The following ABI3BP variants were observed in gnomAD, a reference collection of about 807,000 sequenced individuals.
ABI3BP encodes the protein target of Nesh-SH3.
A neutral mutation model predicts 268.6 loss-of-function variants in ABI3BP; 216 were observed. The ratio of observed to expected loss-of-function variants is 0.80; its 90% CI spans 0.72 to 0.90. The LOEUF (loss-of-function observed/expected upper bound fraction) is 0.90. Ranked by LOEUF, ABI3BP falls within the 40% of genes least tolerant of loss-of-function variation. ABI3BP has a pLI of 0.00. For missense variants in ABI3BP, 2,090 were observed against 2,182.4 expected, an observed-to-expected ratio of 0.96 and a Z score of 0.84; for synonymous variants, 730 against 730.0, an observed-to-expected ratio of 1.00 and a Z score of 0.00.
At chr3:100,917,232 A>G (rs1184387222) in intron 2 of ABI3BP, among the ~76,000 whole-genome samples, 1 of 152,192 alleles carries the variant, frequency 6.6e-6, no homozygotes, top group Non-Finnish European at 1.5e-5. Context: ...TGCTGGTGAG[A>G]CATGACACAG....
rs1347938961 is a variant in ABI3BP, at chr3:100,750,120, A to G, written c.*375T>C. 4.5e-6 allele frequency: 1 copy of G among 222,798 alleles called. No homozygotes were observed. Among genetic ancestry groups the G allele is most frequent in the Non-Finnish European group, 8.6e-6 (1 of 116,052 alleles). The allele number at this position is 222,798 out of a possible 1,614,324, so 13.8% of individuals were successfully genotyped here. ...TAACTCATCAATAGGAAGAGTACAC[A>G]TCAATAAAAGTAAATTTTTTTTAAA... On this transcript the variant is annotated 3_prime_UTR_variant, in exon 68 of 68. Coordinates refer to ENST00000471714, the MANE Select transcript of ABI3BP (RefSeq NM_001375547.2).
chr3:100,951,321 T>G (rs1272900896), intron 1 of ABI3BP, among the ~76,000 whole-genome samples: 1 of 151,932 alleles, frequency 6.6e-6, no homozygotes, highest in African/African-American at 2.4e-5. Context: ...AATTCTCATT[T>G]TCCATGAAAT....
At chr3:100,861,777 T>C (rs1158894261) in intron 14 of ABI3BP, among the ~76,000 whole-genome samples, 1 of 151,904 alleles carries the variant, frequency 6.6e-6, no homozygotes, top group Non-Finnish European at 1.5e-5. Flanking sequence ...AGCCATCACA[T>C]GGTTACTAGG....
intron 22 of ABI3BP, 25 bp downstream of exon 22, chr3:100,840,795 G>T: frequency 6.5e-7 from 1 of 1,527,020 alleles, no homozygotes; most frequent in Non-Finnish European, 8.8e-7. Flanking sequence ...AAGAAACAAA[G>T]GTCACCCACT....
intron 1 of ABI3BP, among the ~76,000 whole-genome samples, chr3:100,934,016 G>A (rs147876317): frequency 6.6e-6 from 1 of 152,000 alleles, no homozygotes; most frequent in Non-Finnish European, 1.5e-5. Flanking sequence ...AAGTTCTGGG[G>A]TACATGTGCA....
chr3:100,918,882 T>A (rs1194913631), intron 2 of ABI3BP, among the ~76,000 whole-genome samples: 2 of 152,184 alleles, frequency 1.3e-5, no homozygotes, highest in Non-Finnish European at 2.9e-5. Flanking sequence ...TAGCTTCAAA[T>A]CCTTTACCTG....
chr3:100,964,909 C>A (rs1359088251), intron 1 of ABI3BP, among the ~76,000 whole-genome samples: 1 of 152,198 alleles, frequency 6.6e-6, no homozygotes, highest in Non-Finnish European at 1.5e-5. Context: ...ATTGGTTAGC[C>A]ATCACACTGG....
intron 9 of ABI3BP, among the ~76,000 whole-genome samples, chr3:100,870,622 T>C (rs997002803): frequency 2.0e-5 from 3 of 152,188 alleles, no homozygotes; most frequent in Non-Finnish European, 4.4e-5. Context: ...GCAGCTATTA[T>C]AGAAAATGGT....
In ABI3BP at chr3:100,949,075, G is replaced by T. The variant is rs573073886; in HGVS notation, c.80-22594C>A. The stretch of plus-strand genomic sequence containing the variant: ...AAAATAAGGTTATACTCCAAGTGCT[G>T]TTCCATAACCTGCATTTTCTTCAAT... On this transcript the variant is annotated intron_variant, in intron 1 of 67. Transcript: ENST00000471714. Among the ~76,000 whole-genome samples the T allele has an allele frequency of 1.1e-3, 169 of 152,206 alleles. 2 individuals are homozygous for T. Among genetic ancestry groups the T allele is most frequent in the African/African-American group, 3.9e-3 (164 of 41,528 alleles).
intron 34 of ABI3BP, among the ~76,000 whole-genome samples, chr3:100,828,019 A>T (rs2098419812): frequency 6.6e-6 from 1 of 152,168 alleles, no homozygotes; most frequent in Non-Finnish European, 1.5e-5. Context: ...ATAAAAAAAC[A>T]AACAAAAATA....
chr3:100,760,012 A>G (rs2095853171), intron 63 of ABI3BP, among the ~76,000 whole-genome samples: 1 of 152,230 alleles, frequency 6.6e-6, no homozygotes, highest in South Asian at 2.1e-4. Context: ...TTGACAGTGT[A>G]TAAGAAATTG....
At chr3:100,903,929 T>C (rs2153512259) in intron 2 of ABI3BP, among the ~76,000 whole-genome samples, 1 of 152,332 alleles carries the variant, frequency 6.6e-6, no homozygotes, top group East Asian at 1.9e-4. Context: ...TAAAGGAGCA[T>C]TCATTCTGTT....
In ABI3BP at chr3:100,824,906, G is replaced by C; in HGVS notation, c.2698C>G (p.Pro900Ala). The change falls in exon 36 of 68, where the codon CCC becomes GCC. Residue 900 changes from proline to alanine, a missense_variant. Coordinates refer to ENST00000471714, the MANE Select transcript of ABI3BP (RefSeq NM_001375547.2). The part of the protein sequence containing the change: ...KTSKRTRPPR[P>A]RPKTTPSPQA... ...GGGCTCGGTGTAGTTTTAGGTCTGGGACGTGGAGGGCGGGTTCTTTTTGAT... is the reference window on the plus strand; with the variant it reads ...GGGCTCGGTGTAGTTTTAGGTCTGGCACGTGGAGGGCGGGTTCTTTTTGAT... 6.5e-7 allele frequency: 1 copy of C among 1,536,166 alleles called. No individual in the cohort carries two copies. Among genetic ancestry groups the C allele is most frequent in the Non-Finnish European group, 8.7e-7 (1 of 1,146,704 alleles).
intron 48 of ABI3BP, among the ~76,000 whole-genome samples, chr3:100,810,801 G>C (rs1486257279): frequency 1.3e-5 from 2 of 152,106 alleles, no homozygotes; most frequent in Non-Finnish European, 2.9e-5. Flanking sequence ...AAGCAGCACT[G>C]AATTTCACTT....
At chr3:100,813,762 G>C (rs1161968224) in intron 44 of ABI3BP, 27 bp from the exon 45 acceptor site, 1 of 1,515,664 alleles carries the variant, frequency 6.6e-7, no homozygotes, top group Admixed American at 2.0e-5. Context: ...TCAATTGTAA[G>C]AGTAATTTTC....
At chr3:100,930,456 T>C (rs1204979731) in intron 1 of ABI3BP, among the ~76,000 whole-genome samples, 1 of 151,876 alleles carries the variant, frequency 6.6e-6, no homozygotes, top group Non-Finnish European at 1.5e-5. Context: ...CTGTTAATAT[T>C]TCAAAGAGTG....
intron 1 of ABI3BP, among the ~76,000 whole-genome samples, chr3:100,958,847 C>A (rs2077761592): frequency 6.6e-6 from 1 of 152,164 alleles, no homozygotes; most frequent in South Asian, 2.1e-4. Flanking sequence ...ACCAAGGACA[C>A]AAAGGGAGTT....
intron 61 of ABI3BP, 58 bp from the exon 62 acceptor site, chr3:100,771,010 A>C: frequency 7.5e-7 from 1 of 1,342,038 alleles, no homozygotes; most frequent in Non-Finnish European, 1.0e-6. Flanking sequence ...AGAAGATAGA[A>C]GTGAGCTCAT....
chr3:100,773,730 C>A (rs780257089), intron 61 of ABI3BP, among the ~76,000 whole-genome samples: 3 of 152,038 alleles, frequency 2.0e-5, no homozygotes, highest in Non-Finnish European at 4.4e-5. Context: ...TATTGAATAT[C>A]CAAATAATAG....
Sources: gnomAD v4.1 joint callset for allele counts (sites outside exome capture counted in the v4.1 genomes callset) on GRCh38, gnomAD v4.1.1 for gene constraint, MANE v1.5 for transcripts, NCBI Gene and HGNC (gene_info 2026-07-23, HGNC 2026-07-21) for gene names.